DTNBP1: variants seen among roughly 807,000 people sequenced by gnomAD.
DTNBP1 encodes dystrobrevin binding protein 1, also known as dysbindin.
Under a neutral mutation model 42.8 loss-of-function variants are expected in DTNBP1, and 35 were observed. That is an observed-to-expected ratio of 0.82 (90% CI 0.63 to 1.09). The LOEUF is 1.09. Among genes scored for constraint, DTNBP1 ranks in the 50% least tolerant of loss-of-function variants. DTNBP1 has a pLI of 0.00. For missense variants in DTNBP1, 457 were observed against 424.2 expected, an observed-to-expected ratio of 1.08 and a Z score of -0.68; for synonymous variants, 171 against 162.2, an observed-to-expected ratio of 1.05 and a Z score of -0.41.
chr6:15,543,811 C>A (rs944044776), intron 7 of DTNBP1, among the ~76,000 whole-genome samples: 2 of 152,214 alleles, frequency 1.3e-5, no homozygotes, highest in African/African-American at 4.8e-5. Flanking sequence ...CACCCTGCCA[C>A]TCCGGCTCAT....
At chr6:15,602,129 C>G (rs903592569) in intron 6 of DTNBP1, among the ~76,000 whole-genome samples, 4 of 152,114 alleles carry the variant, frequency 2.6e-5, no homozygotes, top group African/African-American at 9.7e-5. Context: ...GCAATTGTTT[C>G]AATTCCTTTG....
Position 15,530,676 on chromosome 6 carries a change from C to T in DTNBP1, c.667+2564G>A, listed in dbSNP as rs1015411007. ...CTACTTCATCATCCTCTCGGGGGTG[C>T]ATCCACGGCTCTCCCTACAATGGGA... On this transcript the variant is annotated intron_variant, in intron 8 of 9. Transcript: ENST00000344537. 9.2e-5 allele frequency among the ~76,000 whole-genome samples: 14 copies of T among 151,990 alleles called. No homozygotes were observed. The East Asian group carries it at 2.7e-3, about 30-fold the overall frequency.
intron 7 of DTNBP1, among the ~76,000 whole-genome samples, chr6:15,576,954 G>A (rs900009703): frequency 4.6e-5 from 7 of 152,142 alleles, no homozygotes; most frequent in African/African-American, 1.7e-4. Context: ...ATAGAGCAGA[G>A]AAAAGCCAGA....
chr6:15,662,571 C>G (rs1234696593), intron 1 of DTNBP1, among the ~76,000 whole-genome samples: 1 of 152,210 alleles, frequency 6.6e-6, no homozygotes, highest in Non-Finnish European at 1.5e-5. Flanking sequence ...TCCGCTGCGC[C>G]GCCGAGCGCC....
chr6:15,607,643 G>A (rs79568496), intron 6 of DTNBP1, among the ~76,000 whole-genome samples: 8,894 of 152,212 alleles, frequency 0.058, 402 homozygotes, highest in African/African-American at 0.12. Context: ...CCTTTAGCAC[G>A]CTGATGCACA....
chr6:15,591,697 CT>C (rs1776305327), intron 7 of DTNBP1, among the ~76,000 whole-genome samples: 1 of 152,110 alleles, frequency 6.6e-6, no homozygotes, highest in South Asian at 2.1e-4. Context: ...TATTGTCACA[CT>C]AAAAAAAGTA....
chr6:15,585,818 A>G (rs1776058370), intron 7 of DTNBP1: 1 of 1,508,054 alleles, frequency 6.6e-7, no homozygotes, highest in Non-Finnish European at 8.8e-7. Flanking sequence ...TGAAGCCTCC[A>G]GTTACCAGGC....
At chr6:15,527,956 G>C (rs1581696806) in intron 8 of DTNBP1, among the ~76,000 whole-genome samples, 1 of 152,148 alleles carries the variant, frequency 6.6e-6, no homozygotes, top group African/African-American at 2.4e-5. Context: ...TTCAAATAGA[G>C]TAGTCACTGG....
chr6:15,595,772 TTA>T (rs1776492814), intron 6 of DTNBP1, among the ~76,000 whole-genome samples: 1 of 152,074 alleles, frequency 6.6e-6, no homozygotes, highest in Non-Finnish European at 1.5e-5. Context: ...ACGACGCAGG[TTA>T]TATTTAGGAA....
At chr6:15,597,360 A>AT (rs925910502) in intron 6 of DTNBP1, among the ~76,000 whole-genome samples, 16 of 152,202 alleles carry the variant, frequency 1.1e-4, no homozygotes, top group Admixed American at 9.8e-4. Flanking sequence ...ACTGATGATG[A>AT]TGGGCAACAT....
chr6:15,523,558 ATTTCT>A (rs1772083638), intron 9 of DTNBP1: 2 of 1,206,832 alleles, frequency 1.7e-6, no homozygotes, highest in Non-Finnish European at 2.1e-6. Context: ...GATAATCTAG[ATTTCT>A]TTTTTTTTTT....
rs1192320336 is a variant in DTNBP1, at chr6:15,587,962, T to C, written c.511+5097A>G. 6.6e-6 allele frequency among the ~76,000 whole-genome samples: 1 copy of C among 152,174 alleles called. No individual in the cohort carries two copies. The highest frequency in any genetic ancestry group is 1.5e-5 in the Non-Finnish European group (1 of 68,016). On this transcript the variant is annotated intron_variant, in intron 7 of 9. Coordinates refer to ENST00000344537, the MANE Select transcript of DTNBP1 (RefSeq NM_032122.5). This position sits in a 1 kb window ranked among gnomAD's most constrained non-coding sequence, Gnocchi z 4.1. ...CAAAAAGTTAAACACAAACTTGTCA[T>C]ACAATCCATATATTCTAGTCTTAGC...
intron 7 of DTNBP1, among the ~76,000 whole-genome samples, chr6:15,590,947 G>C (rs991206039): frequency 2.0e-5 from 3 of 152,122 alleles, no homozygotes; most frequent in African/African-American, 7.2e-5. Flanking sequence ...AAAGCAATTG[G>C]AGGAAGTAAC....
intron 1 of DTNBP1, among the ~76,000 whole-genome samples, chr6:15,660,733 C>T (rs749758247): frequency 6.6e-6 from 1 of 152,138 alleles, no homozygotes; most frequent in African/African-American, 2.4e-5. Flanking sequence ...AGTCCAGAGC[C>T]CACTCCAGAA....
chr6:15,559,765 G>C (rs192256332), intron 7 of DTNBP1, among the ~76,000 whole-genome samples: 1 of 152,282 alleles, frequency 6.6e-6, no homozygotes, highest in African/African-American at 2.4e-5. Context: ...TGCCTCAAAA[G>C]TTGAATGAAT....
At chr6:15,652,015 A>T (rs1761027612) in intron 2 of DTNBP1, 72 bp downstream of exon 2, 2 of 1,324,974 alleles carry the variant, frequency 1.5e-6, no homozygotes, top group African/African-American at 1.4e-5. Context: ...ATATAACTAC[A>T]CAATTGTGAA....
At chr6:15,604,673 T>C (rs1439204838) in intron 6 of DTNBP1, among the ~76,000 whole-genome samples, 1 of 151,158 alleles carries the variant, frequency 6.6e-6, no homozygotes, top group East Asian at 1.9e-4. Flanking sequence ...AGATACGCCA[T>C]AATCTCTTAA....
At chr6:15,540,802 C>T (rs1477961976) in intron 7 of DTNBP1, among the ~76,000 whole-genome samples, 3 of 152,086 alleles carry the variant, frequency 2.0e-5, no homozygotes, top group Admixed American at 2.0e-4. Flanking sequence ...CTGCCACTGC[C>T]AGCTAATTTT....
chr6:15,640,760 T>G (rs1053858474), intron 3 of DTNBP1, among the ~76,000 whole-genome samples: 2 of 152,128 alleles, frequency 1.3e-5, no homozygotes, highest in Middle Eastern at 3.2e-3. Flanking sequence ...ATGTAACTAT[T>G]TTGGGACTCT....
Sources: allele counts gnomAD v4.1 joint callset (sites outside exome capture counted in the v4.1 genomes callset), GRCh38; gene constraint gnomAD v4.1.1; non-coding constraint Gnocchi (gnomAD v3.1); transcripts MANE v1.5; gene names NCBI Gene and HGNC (gene_info 2026-07-23, HGNC 2026-07-21).